TRPS1: variants seen among roughly 807,000 people sequenced by gnomAD.
TRPS1 encodes zinc finger transcription factor Trps1.
In TRPS1, 6 loss-of-function variants were observed where a neutral mutation model predicts 101.2. The observed-to-expected ratio is 0.06, with a 90% CI of 0.03 to 0.12. The LOEUF is 0.12. Ranked by LOEUF, TRPS1 falls within the 10% of genes least tolerant of loss-of-function variation. The probability of loss-of-function intolerance (pLI) is 1.00; values close to 1 mark genes in which losing one functional copy is unlikely to be tolerated. For synonymous variants in TRPS1, 578 were observed against 589.8 expected (o/e 0.98, Z 0.29); for missense variants, 1,363 against 1,567.0 (o/e 0.87, Z 2.20).
At chr8:115,478,296 T>G (rs1170536122) in intron 5 of TRPS1, among the ~76,000 whole-genome samples, 3 of 152,196 alleles carry the variant, frequency 2.0e-5, no homozygotes, top group Non-Finnish European at 4.4e-5. Flanking sequence ...CGGAGATACG[T>G]ATTTCTTCAT....
In TRPS1 at chr8:115,418,267, A is replaced by G; in HGVS notation, c.2823+63T>C. 1.2e-6 allele frequency: 2 copies of G among 1,613,490 alleles called. No individual in the cohort carries two copies. Among genetic ancestry groups the G allele is most frequent in the South Asian group, 2.2e-5 (2 of 91,048 alleles). ...CAAGCCAGGGAATGGGACTTATCAC[A>G]CCACAGACCAGGCCAACACTGCTTT... On this transcript the variant is annotated intron_variant, in intron 6 of 6. Coordinates refer to ENST00000395715, the MANE Select transcript of TRPS1 (RefSeq NM_014112.5). The surrounding 1 kb of genome is among the most constrained non-coding windows in gnomAD (Gnocchi z 4.3).
In TRPS1 at chr8:115,553,724, T is replaced by G. The variant is rs912892008; in HGVS notation, c.2700+33277A>C. ...TTTCTAGGCTAAGATACTCTGATGA[T>G]AGATATTAGAAACTTTCATTGCTCT... On this transcript the variant is annotated intron_variant, in intron 5 of 6. Coordinates refer to ENST00000395715, the MANE Select transcript of TRPS1 (RefSeq NM_014112.5). Among the ~76,000 whole-genome samples the G allele has an allele frequency of 9.2e-5, 14 of 152,278 alleles. No individual in the cohort carries two copies. In the South Asian group the frequency reaches 1.7e-3, roughly 18 times the overall value.
At chr8:115,619,030 T>C (rs1024225684) in intron 3 of TRPS1, 102 bp downstream of exon 3, 14 of 1,261,750 alleles carry the variant, frequency 1.1e-5, no homozygotes, top group African/African-American at 1.5e-5. Context: ...TCTAGCAGGC[T>C]ACCTGTCTGG....
chr8:115,518,674 A>G (rs1449064451), intron 5 of TRPS1, among the ~76,000 whole-genome samples: 2 of 151,446 alleles, frequency 1.3e-5, no homozygotes, highest in African/African-American at 4.8e-5. Flanking sequence ...GTGTAAATGG[A>G]GAAAATTATT....
chr8:115,436,328 C>A (rs1375918949), intron 5 of TRPS1, among the ~76,000 whole-genome samples: 2 of 151,944 alleles, frequency 1.3e-5, no homozygotes, highest in African/African-American at 4.8e-5. Flanking sequence ...TCAGACAGGC[C>A]CGGATGGTAA....
At chr8:115,592,704 T>C (rs1489335388) in intron 4 of TRPS1, among the ~76,000 whole-genome samples, 1 of 152,212 alleles carries the variant, frequency 6.6e-6, no homozygotes, top group Non-Finnish European at 1.5e-5. Flanking sequence ...AGACCAGGCT[T>C]CTCAAACTAA....
chr8:115,625,520 A>G (rs186280131), intron 1 of TRPS1, among the ~76,000 whole-genome samples: 8 of 151,952 alleles, frequency 5.3e-5, no homozygotes, highest in Non-Finnish European at 4.4e-5. Flanking sequence ...TCTTTGCCTC[A>G]ATTTCTCACT....
intron 1 of TRPS1, among the ~76,000 whole-genome samples, chr8:115,656,834 A>T (rs1811686834): frequency 6.6e-6 from 1 of 152,156 alleles, no homozygotes; most frequent in Non-Finnish European, 1.5e-5. Context: ...ATTCATTTGC[A>T]TTTTACAGGC....
At chr8:115,649,380 C>T (rs1193431425) in intron 1 of TRPS1, among the ~76,000 whole-genome samples, 1 of 152,152 alleles carries the variant, frequency 6.6e-6, no homozygotes, top group Non-Finnish European at 1.5e-5. Flanking sequence ...GCTCTTAGGG[C>T]CAGGCTGCCT....
intron 4 of TRPS1, among the ~76,000 whole-genome samples, chr8:115,600,779 A>C (rs142864041): frequency 4.6e-5 from 7 of 152,082 alleles, no homozygotes; most frequent in Admixed American, 1.3e-4. Flanking sequence ...CAAAAACCTA[A>C]GTTATAACAC....
Position 115,418,112 on chromosome 8 carries a change from T to C in TRPS1, c.2823+218A>G, listed in dbSNP as rs911089029. On this transcript the variant is annotated intron_variant, in intron 6 of 6. Transcript: ENST00000395715. This position sits in a 1 kb window ranked among gnomAD's most constrained non-coding sequence, Gnocchi z 4.3. ...AAATCAATCATTTTCCTCTTTTATA[T>C]CAAAAGAAGCATAATGCATTACTAA... 3.9e-5 allele frequency among the ~76,000 whole-genome samples: 6 copies of C among 152,168 alleles called. No individual in the cohort carries two copies. The highest frequency in any genetic ancestry group is 1.4e-4 in the African/African-American group (6 of 41,422).
At chr8:115,516,682 TACTC>T (rs1187770354) in intron 5 of TRPS1, among the ~76,000 whole-genome samples, 4 of 151,632 alleles carry the variant, frequency 2.6e-5, no homozygotes, top group Non-Finnish European at 5.9e-5. Flanking sequence ...TGTCATTTGA[TACTC>T]ACAGCAAACT....
chr8:115,425,599 C>T lies in TRPS1; in HGVS notation c.2701-7147G>A, dbSNP rs150954168. Reference sequence around the variant, plus strand: ...GAGCTACCCGATATATCAGGTAATGCTGCTGTGCTAAACACATTAGCTCCA... The same window carrying T: ...GAGCTACCCGATATATCAGGTAATGTTGCTGTGCTAAACACATTAGCTCCA... On this transcript the variant is annotated intron_variant, in intron 5 of 6. Coordinates refer to ENST00000395715, the MANE Select transcript of TRPS1 (RefSeq NM_014112.5). 1.4e-4 allele frequency among the ~76,000 whole-genome samples: 22 copies of T among 152,310 alleles called. No homozygotes were observed. In the East Asian group the frequency reaches 3.7e-3, roughly 25 times the overall value.
chr8:115,588,626 A>G (rs946254908), intron 4 of TRPS1, among the ~76,000 whole-genome samples: 1 of 152,244 alleles, frequency 6.6e-6, no homozygotes, highest in African/African-American at 2.4e-5. Context: ...AAGATACACA[A>G]GTGATGTGGA....
chr8:115,668,611 G>C lies in TRPS1; in HGVS notation c.-188C>G, dbSNP rs75625496. ...ATGGTGGCGCGGCGGCCAAAGCCAT[G>C]AACCGTCTTCTGTTGTTTGCAGAGT... On this transcript the variant is annotated 5_prime_UTR_variant, in exon 1 of 7. Transcript: ENST00000395715. 4.8e-3 allele frequency: 723 copies of C among 151,304 alleles called. 22 individuals carry two copies. In the East Asian group the frequency reaches 0.093, roughly 20 times the overall value. The allele number at this position is 151,304 out of a possible 1,614,324, so 9.4% of individuals were successfully genotyped here.
At chr8:115,515,997 TA>T (rs1020145857) in intron 5 of TRPS1, among the ~76,000 whole-genome samples, 21 of 151,452 alleles carry the variant, frequency 1.4e-4, no homozygotes, top group African/African-American at 4.3e-4. Flanking sequence ...ATTATCCTTT[TA>T]AAAAAATCTA....
chr8:115,663,776 T>C (rs1286592000), intron 1 of TRPS1, among the ~76,000 whole-genome samples: 2 of 137,768 alleles, frequency 1.5e-5, no homozygotes, highest in African/African-American at 5.5e-5. Flanking sequence ...GCTACGATAA[T>C]AGCTGCTATA....
intron 5 of TRPS1, among the ~76,000 whole-genome samples, chr8:115,442,245 C>G (rs1002430558): frequency 7.9e-5 from 12 of 152,104 alleles, no homozygotes; most frequent in Admixed American, 3.3e-4. Flanking sequence ...ATAGAAACAG[C>G]CAACTTCTCT....
At chr8:115,468,567 C>A (rs953145239) in intron 5 of TRPS1, among the ~76,000 whole-genome samples, 3 of 151,524 alleles carry the variant, frequency 2.0e-5, no homozygotes, top group Non-Finnish European at 4.4e-5. Context: ...CTCCAATGAA[C>A]AATTAAAACC....
Sources: allele counts gnomAD v4.1 joint callset (sites outside exome capture counted in the v4.1 genomes callset), GRCh38; gene constraint gnomAD v4.1.1; non-coding constraint Gnocchi (gnomAD v3.1); transcripts MANE v1.5; gene names NCBI Gene and HGNC (gene_info 2026-07-23, HGNC 2026-07-21).